Variants in PIK3C2G observed in about 807,000 individuals in gnomAD.
PIK3C2G encodes phosphatidylinositol-4-phosphate 3-kinase catalytic subunit type 2 gamma.
Under a neutral mutation model 181.1 loss-of-function variants are expected in PIK3C2G, and 168 were observed. The observed-to-expected ratio is 0.93, with a 90% CI of 0.82 to 1.05. The LOEUF (loss-of-function observed/expected upper bound fraction) is 1.05. Ranked by LOEUF, PIK3C2G falls within the 50% of genes least tolerant of loss-of-function variation. The pLI, the probability that PIK3C2G is intolerant of heterozygous loss-of-function variation, is 0.00. For synonymous variants in PIK3C2G, 573 were observed against 592.2 expected, an observed-to-expected ratio of 0.97 and a Z score of 0.47; for missense variants, 1,869 against 1,732.8, an observed-to-expected ratio of 1.08 and a Z score of -1.40.
intron 1 of PIK3C2G, among the ~76,000 whole-genome samples, chr12:18,264,931 G>C (rs1450198900): frequency 6.6e-6 from 1 of 152,040 alleles, no homozygotes; most frequent in Non-Finnish European, 1.5e-5. Context: ...AGCCTGCATG[G>C]GGCATCTGAA....
At chr12:18,659,293 G>T in the PIK3C2G span, among the ~76,000 whole-genome samples, 1 of 152,040 alleles carries the variant, frequency 6.6e-6, no homozygotes, top group Non-Finnish European at 1.5e-5. Context: ...CACTAGTCCC[G>T]TACAATAGAT....
intron 4 of PIK3C2G, among the ~76,000 whole-genome samples, chr12:18,292,467 C>G (rs550284683): frequency 6.6e-6 from 1 of 151,752 alleles, no homozygotes. Context: ...TATCTACAGA[C>G]AGTTCACTAT....
intron 30 of PIK3C2G, among the ~76,000 whole-genome samples, chr12:18,605,933 T>C (rs1438919199): frequency 6.6e-6 from 1 of 152,174 alleles, no homozygotes; most frequent in Non-Finnish European, 1.5e-5. Context: ...CTGAGTTTCC[T>C]CATGTGTAAA....
intron 26 of PIK3C2G, among the ~76,000 whole-genome samples, chr12:18,561,466 A>G (rs1945340994): frequency 6.6e-6 from 1 of 152,154 alleles, no homozygotes; most frequent in South Asian, 2.1e-4. Context: ...GTGACAGAGT[A>G]AGACCCTATC....
intron 1 of PIK3C2G, among the ~76,000 whole-genome samples, chr12:18,272,460 T>C (rs905848360): frequency 3.9e-5 from 6 of 152,194 alleles, no homozygotes; most frequent in Non-Finnish European, 7.4e-5. Flanking sequence ...TGCCTAGTTT[T>C]TATAATTCAT....
At chr12:18,617,981 C>A (rs2136647600) in intron 31 of PIK3C2G, among the ~76,000 whole-genome samples, 1 of 152,202 alleles carries the variant, frequency 6.6e-6, no homozygotes, top group South Asian at 2.1e-4. Context: ...CTGATTACAA[C>A]TATAATTTAT....
intron 20 of PIK3C2G, 111 bp from the exon 21 acceptor site, chr12:18,495,951 T>G: frequency 1.8e-6 from 1 of 543,762 alleles, no homozygotes. Context: ...TTACATTTGT[T>G]CATACAACAA....
chr12:18,555,788 A>G (rs1342026332), intron 26 of PIK3C2G, among the ~76,000 whole-genome samples: 2 of 152,162 alleles, frequency 1.3e-5, no homozygotes, highest in Non-Finnish European at 2.9e-5. Flanking sequence ...GAAAGACAAA[A>G]TTGAATTATT....
intron 30 of PIK3C2G, among the ~76,000 whole-genome samples, chr12:18,602,032 C>T (rs1947746562): frequency 6.6e-6 from 1 of 152,128 alleles, no homozygotes; most frequent in Admixed American, 6.5e-5. Flanking sequence ...GGCTAGAAGC[C>T]TCCTGGCCAG....
intron 29 of PIK3C2G, among the ~76,000 whole-genome samples, chr12:18,579,695 CAA>C (rs1340379705): frequency 2.0e-5 from 3 of 152,170 alleles, no homozygotes; most frequent in African/African-American, 7.2e-5. Flanking sequence ...CTCTTTTCCT[CAA>C]AATGGATTTA....
intron 24 of PIK3C2G, among the ~76,000 whole-genome samples, chr12:18,513,515 A>G (rs925072817): frequency 1.3e-5 from 2 of 151,730 alleles, no homozygotes; most frequent in African/African-American, 4.8e-5. Context: ...TTTCTGATTC[A>G]GTCTTGGTAG....
chr12:18,267,939 G>C (rs1440621280), intron 1 of PIK3C2G, among the ~76,000 whole-genome samples: 1 of 152,200 alleles, frequency 6.6e-6, no homozygotes, highest in Non-Finnish European at 1.5e-5. Context: ...TTTAGTCTTA[G>C]AACGCATGTA....
At chr12:18,458,600 T>C (rs998139214) in intron 18 of PIK3C2G, among the ~76,000 whole-genome samples, 1 of 152,092 alleles carries the variant, frequency 6.6e-6, no homozygotes, top group Admixed American at 6.6e-5. Context: ...AGTATCACTC[T>C]TGTGATTGTG....
intron 24 of PIK3C2G, among the ~76,000 whole-genome samples, chr12:18,510,841 A>G (rs1362239418): frequency 3.9e-5 from 6 of 152,184 alleles, no homozygotes; most frequent in Non-Finnish European, 8.8e-5. Context: ...TCACTTTTTT[A>G]TGGTGAGACA....
intron 31 of PIK3C2G, among the ~76,000 whole-genome samples, chr12:18,623,266 A>G (rs1948944608): frequency 1.3e-5 from 2 of 151,814 alleles, no homozygotes. Context: ...GCATATGAAT[A>G]CCCAATTTTT....
rs958991028 is a variant in PIK3C2G, at chr12:18,386,243, T to C, written c.1995+4363T>C. Among the ~76,000 whole-genome samples, 20 of 152,218 alleles carry C rather than the reference T, an allele frequency of 1.3e-4. 1 individual carries two copies. The highest frequency in any genetic ancestry group is 7.3e-5 in the Non-Finnish European group (5 of 68,042). On this transcript the variant is annotated intron_variant, in intron 14 of 32. Coordinates refer to ENST00000538779, the MANE Select transcript of PIK3C2G (RefSeq NM_001288772.2). ...CCGTGCACAGTGGACATATTCTCCC[T>C]GGATGCTCTCATTCATTTAGTTTCT...
intron 12 of PIK3C2G, 141 bp from the exon 13 acceptor site, chr12:18,371,039 G>C (rs1942018659): frequency 5.1e-6 from 3 of 584,078 alleles, no homozygotes; most frequent in Non-Finnish European, 2.7e-6. Context: ...ATTTTTACAA[G>C]ATTAAACAAA....
At chr12:18,413,710 C>T (rs1221192338) in intron 16 of PIK3C2G, among the ~76,000 whole-genome samples, 1 of 151,976 alleles carries the variant, frequency 6.6e-6, no homozygotes, top group East Asian at 1.9e-4. Flanking sequence ...ATTAGTAGTT[C>T]CAAGGTTAGC....
chr12:18,465,768 T>A (rs1192984814), intron 18 of PIK3C2G, among the ~76,000 whole-genome samples: 1 of 151,814 alleles, frequency 6.6e-6, no homozygotes, highest in Admixed American at 6.6e-5. Context: ...TTATTCTGCA[T>A]GGAAGTTGGG....
Sources: gnomAD v4.1 joint callset for allele counts (sites outside exome capture counted in the v4.1 genomes callset) on GRCh38, gnomAD v4.1.1 for gene constraint, MANE v1.5 for transcripts, NCBI Gene and HGNC (gene_info 2026-07-23, HGNC 2026-07-21) for gene names.